LRRC51: variants seen among roughly 807,000 people sequenced by gnomAD.
The protein encoded by LRRC51 is leucine rich repeat containing 51.
Under a neutral mutation model 17.8 loss-of-function variants are expected in LRRC51, and 8 were observed. That is an observed-to-expected ratio of 0.45 (90% CI 0.26 to 0.81). The LOEUF (loss-of-function observed/expected upper bound fraction) is 0.81. LRRC51 is among the 30% of genes least tolerant of loss of function. LRRC51 has a pLI of 0.17. For synonymous variants in LRRC51, 92 were observed against 96.0 expected (o/e 0.96, Z 0.24); for missense variants, 233 against 239.3 (o/e 0.97, Z 0.17).
At chr11:72,093,772 C>T (rs1362430709) in intron 4 of LRRC51, 71 bp downstream of exon 4, 2 of 1,359,228 alleles carry the variant, frequency 1.5e-6, no homozygotes, top group East Asian at 2.3e-5. Flanking sequence ...AACCTCTCCA[C>T]TCCTACATGT....
At chr11:72,090,149 C>A (rs1235048072) in intron 3 of LRRC51, among the ~76,000 whole-genome samples, 1 of 152,210 alleles carries the variant, frequency 6.6e-6, no homozygotes, top group Non-Finnish European at 1.5e-5. Context: ...CGTTTGTTCT[C>A]TCACGAGCAC....
chr11:72,089,660 G>C, intron 3 of LRRC51: 2 of 1,034,836 alleles, frequency 1.9e-6, no homozygotes, highest in Non-Finnish European at 2.4e-6. Flanking sequence ...AAACATGAGG[G>C]GTCTTATCTA....
chr11:72,093,577 G>T lies in LRRC51; in HGVS notation c.164G>T (p.Trp55Leu). ...GGGAAATCACTGACCCAGTCCCTGT[G>T]GCTGAATAACAATGTTCTCAATGAT... ...KSGKSLTQSLWLNNNVLNDLR... is the reference protein window; with the variant it reads ...KSGKSLTQSLLLNNNVLNDLR... Residue 55 changes from tryptophan (W) to leucine (L), a missense_variant, in exon 4 of 6, where the codon TGG becomes TTG. Transcript: ENST00000289488. 6.2e-7 allele frequency: 1 copy of T among 1,614,194 alleles called. No homozygotes were observed. Among genetic ancestry groups the T allele is most frequent in the Non-Finnish European group, 8.5e-7 (1 of 1,180,038 alleles).
intron 4 of LRRC51, chr11:72,094,500 C>A: frequency 3.4e-6 from 2 of 585,956 alleles, no homozygotes; most frequent in Non-Finnish European, 6.1e-6. Flanking sequence ...TCCAAGATCC[C>A]TAAGAGGGGA....
chr11:72,096,740 A>G lies in LRRC51; in HGVS notation c.*1220A>G. The G allele has an allele frequency of 6.5e-7, 1 of 1,529,310 alleles. No homozygotes were observed. Among genetic ancestry groups the G allele is most frequent in the Non-Finnish European group, 8.8e-7 (1 of 1,135,150 alleles). The allele number at this position is 1,529,310 out of a possible 1,614,324, so 94.7% of individuals were successfully genotyped here. On this transcript the variant is annotated 3_prime_UTR_variant, in exon 6 of 6. Transcript: ENST00000289488. ...CTTCACAGAGTACCAGGGTCTGTAG[A>G]GATGCCTCACAGGCCTCCATGACAG...
Position 72,096,544 on chromosome 11 carries a change from G to A in LRRC51, c.*1024G>A. ...AAGCCACTGCACCTGGCCAGCTCTA[G>A]TCTTATTTTGCTGAAAAAGGGAGGC... On this transcript the variant is annotated 3_prime_UTR_variant, in exon 6 of 6. Transcript: ENST00000289488. 1 of 1,357,230 alleles carries A rather than the reference G, an allele frequency of 7.4e-7. No homozygotes were observed. The highest frequency in any genetic ancestry group is 9.5e-7 in the Non-Finnish European group (1 of 1,055,394). 84.1% of individuals were successfully genotyped at this position (1,357,230 alleles called of 1,614,324 possible).
intron 3 of LRRC51, 158 bp downstream of exon 3, chr11:72,089,323 G>GT: frequency 1.3e-6 from 2 of 1,497,852 alleles, no homozygotes; most frequent in Non-Finnish European, 9.0e-7. Flanking sequence ...AGAGTGAGAG[G>GT]TTTTTTTCTG....
intron 4 of LRRC51, among the ~76,000 whole-genome samples, chr11:72,094,179 G>A (rs1220423125): frequency 7.2e-5 from 11 of 151,910 alleles, no homozygotes; most frequent in South Asian, 4.2e-4. Flanking sequence ...CCAGCTACTC[G>A]GGAGGCTGAG....
At position 72,094,977 on chromosome 11, in the gene LRRC51, C is replaced by A; in HGVS notation, c.318C>A (p.Val106=). 1.2e-6 allele frequency: 2 copies of A among 1,614,032 alleles called. No homozygotes were observed. The highest frequency in any genetic ancestry group is 1.7e-6 in the Non-Finnish European group (2 of 1,180,022). Reference sequence around the variant, plus strand: ...TAACAACTTTCTTCAACCTGAGTGTCCTCTATCTTCACGGCAACAGCATCC... The same window carrying A: ...TAACAACTTTCTTCAACCTGAGTGTACTCTATCTTCACGGCAACAGCATCC... ...PVLTTFFNLS[V]LYLHGNSIQR... is the part of the protein sequence containing the mutation. The change falls in exon 5 of 6, where the codon GTC becomes GTA. Residue 106 remains valine, a synonymous_variant. Coordinates refer to ENST00000289488, the MANE Select transcript of LRRC51 (RefSeq NM_145309.6).
At chr11:72,091,930 T>G (rs146742809) in intron 3 of LRRC51, among the ~76,000 whole-genome samples, 1,876 of 152,274 alleles carry the variant, frequency 0.012, 50 homozygotes, top group Non-Finnish European at 0.012. Flanking sequence ...CTCCAGGCCC[T>G]TGCCATTCCA....
intron 4 of LRRC51, chr11:72,094,479 G>GC (rs1187462438): frequency 3.6e-6 from 2 of 563,088 alleles, no homozygotes; most frequent in Non-Finnish European, 6.2e-6. Context: ...ATAAAGTTTG[G>GC]CCTTTTCTAG....
Position 72,096,587 on chromosome 11 carries a change from G to C in LRRC51, c.*1067G>C. The C allele has an allele frequency of 7.1e-7, 1 of 1,416,784 alleles. No individual in the cohort carries two copies. The highest frequency in any genetic ancestry group is 9.2e-7 in the Non-Finnish European group (1 of 1,082,912). 87.8% of individuals were successfully genotyped at this position (1,416,784 alleles called of 1,614,324 possible). On this transcript the variant is annotated 3_prime_UTR_variant, in exon 6 of 6. Coordinates refer to ENST00000289488, the MANE Select transcript of LRRC51 (RefSeq NM_145309.6). ...AGGGAGGCAATTGAGGGAAAGGCCT[G>C]CTGGCCTGGGACACTGGAGACGTGG...
At chr11:72,095,192 C>G in intron 5 of LRRC51, 96 bp downstream of exon 5, 1 of 1,568,250 alleles carries the variant, frequency 6.4e-7, no homozygotes, top group Admixed American at 1.9e-5. Context: ...TTCTGCCATG[C>G]TTGGACCTGG....
Sources: gnomAD v4.1 joint callset for allele counts (sites outside exome capture counted in the v4.1 genomes callset) on GRCh38, gnomAD v4.1.1 for gene constraint, MANE v1.5 for transcripts, NCBI Gene and HGNC (gene_info 2026-07-23, HGNC 2026-07-21) for gene names.